Variants in ANOS1 observed in about 807,000 individuals in gnomAD.
ANOS1 encodes anosmin-1.
A neutral mutation model predicts 59.0 loss-of-function variants in ANOS1; 6 were observed. The ratio of observed to expected loss-of-function variants is 0.10; its 90% CI spans 0.06 to 0.20. ANOS1 has a LOEUF of 0.20. Among genes scored for constraint, ANOS1 ranks in the 10% least tolerant of loss-of-function variants. The pLI, the probability that ANOS1 is intolerant of heterozygous loss-of-function variation, is 1.00. For synonymous variants in ANOS1, 217 were observed against 223.4 expected (o/e 0.97, Z 0.25); for missense variants, 433 against 542.3 (o/e 0.80, Z 2.00).
intron 2 of ANOS1, among the ~76,000 whole-genome samples, chrX:8,698,147 G>T (rs1045728969): frequency 2.7e-5 from 3 of 111,941 alleles, no homozygotes; most frequent in Non-Finnish European, 5.6e-5. Context: ...GGGCTTAATT[G>T]TGACTTATTG....
chrX:8,646,805 C>T (rs150616141), intron 2 of ANOS1, among the ~76,000 whole-genome samples: 16 of 108,216 alleles, frequency 1.5e-4, no homozygotes, highest in African/African-American at 4.7e-4. Context: ...TGGTGGTGCA[C>T]GCCTGTAATC....
intron 2 of ANOS1, among the ~76,000 whole-genome samples, chrX:8,661,117 G>A (rs1373199079): frequency 1.8e-5 from 2 of 111,886 alleles, no homozygotes; most frequent in African/African-American, 6.5e-5. Context: ...TCCTTGGCTT[G>A]TAGATGCTGT....
intron 3 of ANOS1, among the ~76,000 whole-genome samples, chrX:8,612,748 T>C (rs1931084512): frequency 9.0e-6 from 1 of 111,029 alleles, no homozygotes; most frequent in Non-Finnish European, 1.9e-5. Context: ...TTTATCAATG[T>C]GATAACTTGG....
In ANOS1 at chrX:8,570,466, G is replaced by T. The variant is rs765689879; in HGVS notation, c.1062+33C>A. 9 of 1,150,355 alleles carry T rather than the reference G, an allele frequency of 7.8e-6. No homozygotes were observed. The South Asian group carries it at 1.6e-4, about 21-fold the overall frequency. 94.8% of individuals were successfully genotyped at this position (1,150,355 alleles called of 1,213,427 possible). ...GCCTTGAGTTGAAATACCCTCTGTGGGAATAACAATCCTTCCTCCAGTTCC... is the reference window on the plus strand; with the variant it reads ...GCCTTGAGTTGAAATACCCTCTGTGTGAATAACAATCCTTCCTCCAGTTCC... On this transcript the variant is annotated intron_variant, in intron 7 of 13. Transcript: ENST00000262648.
Position 8,731,926 on chromosome X carries a change from C to G in ANOS1, c.111G>C (p.Glu37Asp), listed in dbSNP as rs1271490212. ...GCTGGACGCTCCCGGCAGACAGCGA[C>G]TCGTCCAGCCGCCGCGCAGCAGCCG... ...PGAAAARRLD[E>D]SLSAGSVQRA... Residue 37 changes from glutamate to aspartate, a missense_variant, in exon 1 of 14, where the codon GAG becomes GAC. Coordinates refer to ENST00000262648, the MANE Select transcript of ANOS1 (RefSeq NM_000216.4). 8.7e-7 allele frequency: 1 copy of G among 1,153,074 alleles called. No homozygotes were observed. Among genetic ancestry groups the G allele is most frequent in the Non-Finnish European group, 1.2e-6 (1 of 869,352 alleles).
chrX:8,715,800 G>A (rs945106203), intron 1 of ANOS1, among the ~76,000 whole-genome samples: 7 of 110,567 alleles, frequency 6.3e-5, no homozygotes, highest in Non-Finnish European at 1.1e-4. Flanking sequence ...GGGTCTCACC[G>A]TGTTGCCCAG....
At chrX:8,643,231 A>C (rs763650397) in intron 2 of ANOS1, among the ~76,000 whole-genome samples, 14 of 112,086 alleles carry the variant, frequency 1.2e-4, no homozygotes, top group Non-Finnish European at 2.4e-4. Context: ...AATAAAATAG[A>C]AGTGTTTGCA....
intron 2 of ANOS1, among the ~76,000 whole-genome samples, chrX:8,683,393 G>A (rs1932456419): frequency 9.0e-6 from 1 of 111,096 alleles, no homozygotes; most frequent in South Asian, 3.8e-4. Flanking sequence ...TGGAGCTAGT[G>A]AATCCCTTCA....
chrX:8,672,187 C>G (rs1376690343), intron 2 of ANOS1, among the ~76,000 whole-genome samples: 1 of 111,385 alleles, frequency 9.0e-6, no homozygotes, highest in Non-Finnish European at 1.9e-5. Flanking sequence ...CACACACACA[C>G]ACAGACACAA....
chrX:8,722,151 C>G (rs1357466563), intron 1 of ANOS1, among the ~76,000 whole-genome samples: 4 of 112,393 alleles, frequency 3.6e-5, no homozygotes, highest in African/African-American at 1.3e-4. Context: ...GGAATTGTAA[C>G]AATCCACTGA....
intron 4 of ANOS1, among the ~76,000 whole-genome samples, chrX:8,594,709 T>C (rs866303191): frequency 2.9e-5 from 2 of 69,567 alleles, no homozygotes; most frequent in Non-Finnish European, 5.5e-5. Context: ...CACATATATA[T>C]ACACATATAT....
chrX:8,706,654 C>T (rs759036885), intron 1 of ANOS1, among the ~76,000 whole-genome samples: 69 of 111,723 alleles, frequency 6.2e-4, no homozygotes, highest in African/African-American at 2.2e-3. Flanking sequence ...GGGCAGAGAG[C>T]ATGTGGATAT....
chrX:8,643,132 C>A (rs1019790608), intron 2 of ANOS1, among the ~76,000 whole-genome samples: 2 of 110,831 alleles, frequency 1.8e-5, no homozygotes, highest in Non-Finnish European at 3.8e-5. Flanking sequence ...GGAAAATGAC[C>A]ACTTGAAAAA....
At chrX:8,729,301 CG>C (rs1932947916) in intron 1 of ANOS1, among the ~76,000 whole-genome samples, 1 of 100,648 alleles carries the variant, frequency 9.9e-6, no homozygotes, top group African/African-American at 3.6e-5. Context: ...GAGTTGGGGG[CG>C]GGGGTGACCC....
At position 8,585,260 on chromosome X, in the gene ANOS1, G is replaced by T. The variant is rs1182632821; in HGVS notation, c.856+7C>A. ...ATTCTGTGTCTGGGAAGAAAAGGAAGACTGACCTTTGGAAGAACGGAAGTG... is the reference window on the plus strand; with the variant it reads ...ATTCTGTGTCTGGGAAGAAAAGGAATACTGACCTTTGGAAGAACGGAAGTG... On this transcript the variant is annotated splice_region_variant and intron_variant, in intron 6 of 13. Coordinates refer to ENST00000262648, the MANE Select transcript of ANOS1 (RefSeq NM_000216.4). 5.0e-6 allele frequency: 6 copies of T among 1,209,877 alleles called. No homozygotes were observed. Among genetic ancestry groups the T allele is most frequent in the Non-Finnish European group, 6.7e-6 (6 of 894,090 alleles).
chrX:8,590,518 C>T (rs181509169), intron 4 of ANOS1, among the ~76,000 whole-genome samples: 1 of 111,671 alleles, frequency 9.0e-6, no homozygotes, highest in Non-Finnish European at 1.9e-5. Context: ...CAATGTTGAG[C>T]CTGTAACTGT....
chrX:8,544,535 G>C (rs1178214357), intron 9 of ANOS1, among the ~76,000 whole-genome samples: 2 of 103,414 alleles, frequency 1.9e-5, no homozygotes, highest in Admixed American at 2.1e-4. Flanking sequence ...TATCACATAG[G>C]CATTTCTACT....
At chrX:8,679,940 C>T (rs1932396185) in intron 2 of ANOS1, among the ~76,000 whole-genome samples, 1 of 109,946 alleles carries the variant, frequency 9.1e-6, no homozygotes, top group African/African-American at 3.3e-5. Flanking sequence ...GTGAGTGGAT[C>T]ACTTGAGGTC....
chrX:8,670,138 TA>T lies in ANOS1; in HGVS notation c.255+29559del, dbSNP rs1159830714. Reference sequence around the variant, plus strand: ...TCGTTCTGTCTGTAAATCTGTGGAGTAAAAAAAAAAAAAATTCAGGAGTGGT... The same window carrying T: ...TCGTTCTGTCTGTAAATCTGTGGAGTAAAAAAAAAAAAATTCAGGAGTGGT... On this transcript the variant is annotated intron_variant, in intron 2 of 13. Transcript: ENST00000262648. 3.9e-3 allele frequency among the ~76,000 whole-genome samples: 396 copies of T among 101,267 alleles called. 1 individual carries two copies. The highest frequency in any genetic ancestry group is 9.1e-3 in the African/African-American group (255 of 28,106). The allele number at this position is 101,267 out of a possible 115,157, so 87.9% of individuals were successfully genotyped here. A position where few individuals can be genotyped will look rare whatever the true frequency, so the allele number is the denominator to read the frequency against.
Sources: allele counts gnomAD v4.1 joint callset (sites outside exome capture counted in the v4.1 genomes callset), GRCh38; gene constraint gnomAD v4.1.1; transcripts MANE v1.5; gene names NCBI Gene and HGNC (gene_info 2026-07-23, HGNC 2026-07-21).